The following ME3 variants were observed in gnomAD, a reference collection of about 807,000 sequenced individuals.
ME3 encodes NADP-dependent malic enzyme, mitochondrial.
Under a neutral mutation model 68.9 loss-of-function variants are expected in ME3, and 48 were observed. That is an observed-to-expected ratio of 0.70 (90% confidence interval 0.55 to 0.89). The LOEUF is 0.89. ME3 is among the 40% of genes least tolerant of loss of function. The pLI, the probability that ME3 is intolerant of heterozygous loss-of-function variation, is 0.00. For synonymous variants in ME3, 320 were observed against 318.8 expected, an observed-to-expected ratio of 1.00 and a Z score of -0.04; for missense variants, 675 against 797.4, an observed-to-expected ratio of 0.85 and a Z score of 1.85.
At chr11:86,514,923 A>G (rs557550775) in intron 4 of ME3, among the ~76,000 whole-genome samples, 2 of 152,274 alleles carry the variant, frequency 1.3e-5, no homozygotes, top group East Asian at 3.9e-4. Context: ...ATGTCCAGAG[A>G]GATATTTGGC....
chr11:86,549,237 G>T (rs1388563271), intron 4 of ME3, among the ~76,000 whole-genome samples: 1 of 152,120 alleles, frequency 6.6e-6, no homozygotes, highest in Non-Finnish European at 1.5e-5. Context: ...AGTGTCTATT[G>T]TAAAGTTTTG....
At chr11:86,628,667 G>A (rs150619944) in intron 2 of ME3, among the ~76,000 whole-genome samples, 1 of 152,260 alleles carries the variant, frequency 6.6e-6, no homozygotes, top group East Asian at 1.9e-4. Context: ...AGCCCTTAAT[G>A]TTTCTGTTCA....
intron 2 of ME3, among the ~76,000 whole-genome samples, chr11:86,651,290 T>G (rs185745925): frequency 1.3e-5 from 2 of 152,240 alleles, no homozygotes; most frequent in Non-Finnish European, 2.9e-5. Flanking sequence ...ATGGACAGAC[T>G]GCCTCCTCAA....
chr11:86,608,249 G>A (rs2135174642), intron 2 of ME3, among the ~76,000 whole-genome samples: 1 of 152,224 alleles, frequency 6.6e-6, no homozygotes, highest in Middle Eastern at 3.4e-3. Flanking sequence ...CTTGCAGAGG[G>A]AGAAAGAAGC....
At chr11:86,596,650 G>T (rs1022782325) in intron 2 of ME3, among the ~76,000 whole-genome samples, 7 of 152,100 alleles carry the variant, frequency 4.6e-5, no homozygotes, top group African/African-American at 1.7e-4. Flanking sequence ...GGGCTGGAAG[G>T]GACCTTAAGG....
At chr11:86,499,139 G>A (rs1417262380) in intron 5 of ME3, among the ~76,000 whole-genome samples, 3 of 152,104 alleles carry the variant, frequency 2.0e-5, no homozygotes, top group Non-Finnish European at 2.9e-5. Context: ...GGGTATGGGT[G>A]GGGAGAAGGG....
chr11:86,656,427 G>T (rs1254294088), intron 2 of ME3, among the ~76,000 whole-genome samples: 3 of 152,026 alleles, frequency 2.0e-5, no homozygotes, highest in African/African-American at 2.4e-5. Flanking sequence ...CCATAAAAAT[G>T]ATGAGTTCAT....
chr11:86,516,640 C>T (rs1165522202), intron 4 of ME3, among the ~76,000 whole-genome samples: 1 of 152,176 alleles, frequency 6.6e-6, no homozygotes, highest in African/African-American at 2.4e-5. Context: ...ATCCACCCAC[C>T]TCAGCCTCCC....
At chr11:86,533,013 T>C (rs999381706) in intron 4 of ME3, among the ~76,000 whole-genome samples, 2 of 151,714 alleles carry the variant, frequency 1.3e-5, no homozygotes, top group Admixed American at 6.6e-5. Flanking sequence ...GATCGCATCA[T>C]TGCACTCCAG....
rs143071384 is a variant in ME3 at position 86,502,826 on chromosome 11, G to T, written c.544-4702C>A. 2.0e-4 allele frequency among the ~76,000 whole-genome samples: 31 copies of T among 152,204 alleles called. 2 individuals are homozygous for T. The South Asian group carries it at 3.7e-3, about 18-fold the overall frequency. On this transcript the variant is annotated intron_variant, in intron 5 of 14. Transcript: ENST00000543262. ...TTTGCCCACCTGCCTCAGACCTAAG[G>T]CCTTTTCTGAATTATTGCCCACACC...
At chr11:86,493,983 T>G (rs962854732) in intron 6 of ME3, among the ~76,000 whole-genome samples, 2 of 151,546 alleles carry the variant, frequency 1.3e-5, no homozygotes, top group Admixed American at 6.6e-5. Context: ...CTGTTACATC[T>G]CAGGCTTGCT....
Position 86,667,310 on chromosome 11 carries a change from G to A in ME3, c.183+4452C>T, listed in dbSNP as rs1221592680. 4.6e-5 allele frequency among the ~76,000 whole-genome samples: 7 copies of A among 152,148 alleles called. No individual in the cohort carries two copies. In the East Asian group the frequency reaches 1.3e-3, roughly 29 times the overall value. On this transcript the variant is annotated intron_variant, in intron 2 of 14. Coordinates refer to ENST00000543262, the Ensembl canonical transcript of ME3. ...TTTCGTGGCAAAAAAAATCACTGCT[G>A]GCACACACGGATCAAAGGGGGAAGA...
chr11:86,652,361 A>T (rs927285451), intron 2 of ME3, among the ~76,000 whole-genome samples: 11 of 152,250 alleles, frequency 7.2e-5, no homozygotes, highest in Admixed American at 2.0e-4. Context: ...CGGGTTACCC[A>T]CAAAGGGAAG....
chr11:86,521,446 TAATAATAAA>T lies in ME3; in HGVS notation c.468-12588_468-12580del, dbSNP rs1230609644. ...AACAAAACAAAAATAATAATAATAA[TAATAATAAA>T]AAAATGGAGCTGTAATCATTAAATC... On this transcript the variant is annotated intron_variant, in intron 4 of 14. Transcript: ENST00000543262. Among the ~76,000 whole-genome samples the T allele has an allele frequency of 6.9e-3, 1,029 of 148,566 alleles. 11 individuals carry two copies. The highest frequency in any genetic ancestry group is 0.021 in the African/African-American group (831 of 39,426).
chr11:86,614,593 C>T (rs1301040763), intron 2 of ME3, among the ~76,000 whole-genome samples: 1 of 152,136 alleles, frequency 6.6e-6, no homozygotes, highest in Non-Finnish European at 1.5e-5. Flanking sequence ...TCCAAATTCC[C>T]AGGGTGGTGC....
chr11:86,618,846 G>A (rs1045606369), intron 2 of ME3, among the ~76,000 whole-genome samples: 3 of 151,934 alleles, frequency 2.0e-5, no homozygotes, highest in Non-Finnish European at 4.4e-5. Context: ...CGAGTAGCTG[G>A]GATTACAGGC....
intron 2 of ME3, among the ~76,000 whole-genome samples, chr11:86,568,348 T>C (rs1209746228): frequency 6.6e-6 from 1 of 152,206 alleles, no homozygotes; most frequent in Non-Finnish European, 1.5e-5. Flanking sequence ...ACCAATGGGT[T>C]AATGTCTGGA....
At chr11:86,584,366 G>T (rs1001477633) in intron 2 of ME3, among the ~76,000 whole-genome samples, 6 of 152,194 alleles carry the variant, frequency 3.9e-5, no homozygotes, top group Non-Finnish European at 8.8e-5. Context: ...CACTGCTGAT[G>T]GGAGTGTAAA....
chr11:86,530,914 A>AG (rs199786203), intron 4 of ME3, among the ~76,000 whole-genome samples: 121,851 of 151,926 alleles, frequency 0.8, 49,108 homozygotes, highest in South Asian at 0.84. Flanking sequence ...AAACCTAGGC[A>AG]TACCATTCAG....
Sources: gnomAD v4.1 joint callset for allele counts (sites outside exome capture counted in the v4.1 genomes callset) on GRCh38, gnomAD v4.1.1 for gene constraint, MANE v1.5 for transcripts, NCBI Gene and HGNC (gene_info 2026-07-23, HGNC 2026-07-21) for gene names.